The following NEO1 variants were observed in gnomAD, a reference collection of about 807,000 sequenced individuals.
NEO1 encodes neogenin 1.
In NEO1, 63 loss-of-function variants were observed where a neutral mutation model predicts 159.7. The ratio of observed to expected loss-of-function variants is 0.39; its 90% confidence interval spans 0.32 to 0.49. NEO1 has a LOEUF of 0.49. Among genes scored for constraint, NEO1 ranks in the 20% least tolerant of loss-of-function variants. The pLI is 0.85. For missense variants in NEO1, 1,615 were observed against 1,831.0 expected, an observed-to-expected ratio of 0.88 and a Z score of 2.15; for synonymous variants, 633 against 662.0, an observed-to-expected ratio of 0.96 and a Z score of 0.67.
At position 73,178,327 on chromosome 15, in the gene NEO1, T is replaced by A; in HGVS notation, c.1191T>A (p.Val397=). Residue 397 remains valine (V), a synonymous_variant, in exon 7 of 29, where the codon GTT becomes GTA. Coordinates refer to ENST00000261908, the MANE Select transcript of NEO1 (RefSeq NM_002499.4). ...TTCAGAAGGAACATAATCTTCAAGT[T>A]TTGGGTCTGGTGAAATCAGATGAAG... ...FKIVKEHNLQ[V]LGLVKSDEGF... 1.9e-6 allele frequency: 3 copies of A among 1,613,240 alleles called. No individual in the cohort carries two copies. Among genetic ancestry groups the A allele is most frequent in the Non-Finnish European group, 2.5e-6 (3 of 1,179,402 alleles).
chr15:73,186,760 A>G (rs1189892105), intron 7 of NEO1, among the ~76,000 whole-genome samples: 1 of 152,130 alleles, frequency 6.6e-6, no homozygotes, highest in African/African-American at 2.4e-5. Context: ...GGTGAGGGGA[A>G]TAGGGCAGGC....
chr15:73,300,132 G>A (rs968859481), intron 27 of NEO1, among the ~76,000 whole-genome samples: 6 of 152,158 alleles, frequency 3.9e-5, no homozygotes, highest in African/African-American at 1.4e-4. Flanking sequence ...TGCAAATAGT[G>A]ATACATTTCA....
intron 14 of NEO1, 40 bp downstream of exon 14, chr15:73,258,916 C>G (rs1424752526): frequency 2.0e-6 from 3 of 1,524,342 alleles, no homozygotes; most frequent in African/African-American, 1.4e-5. Context: ...ACAATAGATA[C>G]TAGCTGTAGT....
chr15:73,275,938 G>T (rs2041399762), intron 21 of NEO1, among the ~76,000 whole-genome samples: 1 of 152,190 alleles, frequency 6.6e-6, no homozygotes, highest in African/African-American at 2.4e-5. Flanking sequence ...TTGGCTAATG[G>T]CAAGGAAGAG....
chr15:73,224,877 C>A (rs1036857594), intron 7 of NEO1, among the ~76,000 whole-genome samples: 17 of 152,046 alleles, frequency 1.1e-4, no homozygotes, highest in African/African-American at 4.1e-4. Flanking sequence ...TGTTAAAGAG[C>A]CTAGTTTTGT....
chr15:73,254,969 C>A (rs2040268828), intron 13 of NEO1, 140 bp downstream of exon 13: 1 of 814,940 alleles, frequency 1.2e-6, no homozygotes, highest in Non-Finnish European at 1.8e-6. Flanking sequence ...TGGTTCAATC[C>A]ACTTCTGACT....
rs2069291778 is a variant in NEO1, at chr15:73,085,237, GCTT to G, written c.131-31299_131-31297del. 2.6e-5 allele frequency among the ~76,000 whole-genome samples: 4 copies of G among 151,984 alleles called. No individual in the cohort carries two copies. The South Asian group carries it at 8.3e-4, about 32-fold the overall frequency. ...TAAAATATGTAATCTTTTGGGGCTG[GCTT>G]CTTTCACCAAGCATAATGCCTTTAT... On this transcript the variant is annotated intron_variant, in intron 1 of 28. Transcript: ENST00000261908.
chr15:73,304,074 T>C lies in NEO1; in HGVS notation c.*1378T>C, dbSNP rs987226329. 6 of 152,162 alleles carry C rather than the reference T, an allele frequency of 3.9e-5. No individual in the cohort carries two copies. Among genetic ancestry groups the C allele is most frequent in the African/African-American group, 1.4e-4 (6 of 41,408 alleles). 9.4% of individuals were successfully genotyped at this position (152,162 alleles called of 1,614,324 possible). A position where few individuals can be genotyped will look rare whatever the true frequency, so the allele number is the denominator to read the frequency against. ...CCACACATCTTTCTGAATATTATTT[T>C]TCAAGTAACAAGGGCAGGGACAGCG... On this transcript the variant is annotated 3_prime_UTR_variant, in exon 29 of 29. Coordinates refer to ENST00000261908, the MANE Select transcript of NEO1 (RefSeq NM_002499.4).
chr15:73,262,652 G>A (rs991800639), intron 15 of NEO1, among the ~76,000 whole-genome samples: 1 of 152,210 alleles, frequency 6.6e-6, no homozygotes, highest in African/African-American at 2.4e-5. Flanking sequence ...CTAGCTGGTA[G>A]GAATGTTTGA....
chr15:73,110,914 G>T (rs375164962), intron 1 of NEO1, among the ~76,000 whole-genome samples: 2 of 152,052 alleles, frequency 1.3e-5, no homozygotes, highest in East Asian at 3.9e-4. Flanking sequence ...AATGATGATA[G>T]ATCTTTTAGA....
At chr15:73,152,734 G>C (rs933541364) in intron 5 of NEO1, among the ~76,000 whole-genome samples, 6 of 152,070 alleles carry the variant, frequency 3.9e-5, no homozygotes, top group African/African-American at 1.4e-4. Context: ...GCTGTCTGCA[G>C]GTAGATAGTG....
At chr15:73,229,361 A>C (rs1198011794) in intron 7 of NEO1, among the ~76,000 whole-genome samples, 1 of 151,248 alleles carries the variant, frequency 6.6e-6, no homozygotes, top group East Asian at 1.9e-4. Context: ...TTGATTTCTT[A>C]ATTTCATTTT....
chr15:73,249,542 G>C, intron 10 of NEO1, 41 bp from the exon 11 acceptor site: 2 of 1,536,846 alleles, frequency 1.3e-6, no homozygotes, highest in Non-Finnish European at 8.7e-7. Flanking sequence ...CTTTTCTTTT[G>C]GCTTGAGTGC....
intron 23 of NEO1, 84 bp downstream of exon 23, chr15:73,283,195 A>G (rs1409158734): frequency 7.0e-7 from 1 of 1,433,568 alleles, no homozygotes; most frequent in Non-Finnish European, 9.6e-7. Flanking sequence ...AGTGGTACAC[A>G]AAGTTAAGAC....
chr15:73,267,943 G>A (rs2040990068), intron 16 of NEO1, among the ~76,000 whole-genome samples: 1 of 152,136 alleles, frequency 6.6e-6, no homozygotes, highest in Non-Finnish European at 1.5e-5. Context: ...TGCTGGATAT[G>A]TTGCATAATT....
chr15:73,116,969 C>G, intron 2 of NEO1, 112 bp downstream of exon 2: 7 of 817,814 alleles, frequency 8.6e-6, no homozygotes, highest in Non-Finnish European at 1.3e-5. Flanking sequence ...CAAATATACT[C>G]ATTTAACAGA....
intron 1 of NEO1, among the ~76,000 whole-genome samples, chr15:73,075,643 T>G (rs1284825341): frequency 9.1e-6 from 1 of 110,010 alleles, no homozygotes; most frequent in South Asian, 2.6e-4. Context: ...GTGTAAACAC[T>G]GGCCATGTGA....
At chr15:73,135,435 C>T (rs1054604878) in intron 4 of NEO1, among the ~76,000 whole-genome samples, 1 of 152,196 alleles carries the variant, frequency 6.6e-6, no homozygotes, top group African/African-American at 2.4e-5. Flanking sequence ...CCATGACTTA[C>T]TGTTTCGGAT....
chr15:73,296,191 G>A (rs1246998055), intron 26 of NEO1, among the ~76,000 whole-genome samples: 1 of 152,168 alleles, frequency 6.6e-6, no homozygotes, highest in Admixed American at 6.5e-5. Flanking sequence ...GCAGTCAGGA[G>A]AGGCCGGTTT....
Sources: allele counts gnomAD v4.1 joint callset (sites outside exome capture counted in the v4.1 genomes callset), GRCh38; gene constraint gnomAD v4.1.1; transcripts MANE v1.5; gene names NCBI Gene and HGNC (gene_info 2026-07-23, HGNC 2026-07-21).